The following CDH20 variants were observed in gnomAD, a reference collection of about 807,000 sequenced individuals.
CDH20 encodes cadherin-20.
Under a neutral mutation model 74.2 loss-of-function variants are expected in CDH20, and 29 were observed. The observed-to-expected ratio is 0.39, with a 90% CI of 0.29 to 0.53. The LOEUF (loss-of-function observed/expected upper bound fraction) is 0.53, where lower values mean the gene tolerates loss of function less well. Among genes scored for constraint, CDH20 ranks in the 20% least tolerant of loss-of-function variants. The pLI is 0.69. For synonymous variants in CDH20, 469 were observed against 405.4 expected, an observed-to-expected ratio of 1.16 and a Z score of -1.88; for missense variants, 988 against 1,048.3, an observed-to-expected ratio of 0.94 and a Z score of 0.79.
chr18:61,547,450 A>G (rs563554895), intron 10 of CDH20, among the ~76,000 whole-genome samples: 1 of 152,322 alleles, frequency 6.6e-6, no homozygotes, highest in African/African-American at 2.4e-5. Flanking sequence ...TCTCCAGTAA[A>G]GCCTTTTTTT....
chr18:61,510,487 C>G (rs1911739670), intron 6 of CDH20, among the ~76,000 whole-genome samples: 1 of 152,178 alleles, frequency 6.6e-6, no homozygotes, highest in Non-Finnish European at 1.5e-5. Flanking sequence ...TAAAATGTAA[C>G]TCAAGTTAAT....
intron 1 of CDH20, among the ~76,000 whole-genome samples, chr18:61,413,470 A>G (rs1362915853): frequency 6.6e-6 from 1 of 152,190 alleles, no homozygotes; most frequent in Admixed American, 6.5e-5. Context: ...ACTGCAAGAA[A>G]AGTTTAAAGT....
At chr18:61,505,264 T>C (rs1380862837) in intron 5 of CDH20, among the ~76,000 whole-genome samples, 2 of 151,858 alleles carry the variant, frequency 1.3e-5, no homozygotes, top group Non-Finnish European at 2.9e-5. Context: ...ACCCCAAACA[T>C]GGCAGCTTCA....
rs529075959 is a variant in CDH20, at chr18:61,527,373, A to AGATAGATAGATAGAT, written c.1018-593_1018-579dup. On this transcript the variant is annotated intron_variant, in intron 6 of 11. Coordinates refer to ENST00000262717, the MANE Select transcript of CDH20 (RefSeq NM_031891.4). The stretch of plus-strand genomic sequence containing the variant: ...CAGTTGCATGAATATTCTAATAGAT[A>AGATAGATAGATAGAT]GATAGATAGATAGATAGATAGATAG... Among the ~76,000 whole-genome samples, 440 of 124,020 alleles carry AGATAGATAGATAGAT rather than the reference A, an allele frequency of 3.5e-3. 2 individuals are homozygous for AGATAGATAGATAGAT. Among genetic ancestry groups the AGATAGATAGATAGAT allele is most frequent in the Non-Finnish European group, 6.2e-3 (329 of 53,264 alleles). 81.4% of individuals were successfully genotyped at this position (124,020 alleles called of 152,430 possible).
intron 1 of CDH20, among the ~76,000 whole-genome samples, chr18:61,433,240 A>G (rs1908714330): frequency 6.6e-6 from 1 of 152,214 alleles, no homozygotes; most frequent in Admixed American, 6.5e-5. Flanking sequence ...CAGAATAGGT[A>G]CAGAATAAAT....
At chr18:61,406,989 C>T (rs185360667) in intron 1 of CDH20, among the ~76,000 whole-genome samples, 2 of 152,242 alleles carry the variant, frequency 1.3e-5, no homozygotes, top group Admixed American at 1.3e-4. Context: ...ATTCAAAAGA[C>T]ATCTCATCCT....
Position 61,500,479 on chromosome 18 carries a change from A to G in CDH20, c.638A>G (p.Tyr213Cys), listed in dbSNP as rs1346268259. The change falls in exon 4 of 12, where the codon TAT (tyrosine) becomes TGT (cysteine). Residue 213 changes from tyrosine (Y) to cysteine (C), a missense_variant. By Grantham distance (194) the Tyr-to-Cys change is radical. Coordinates refer to ENST00000262717, the MANE Select transcript of CDH20 (RefSeq NM_031891.4). Reference protein sequence around the residue: ...VVYSILQGQPYFSVDSKTGVI... With the variant: ...VVYSILQGQPCFSVDSKTGVI... ...TACAGCATTCTTCAGGGCCAGCCAT[A>G]TTTTTCTGTGGACTCTAAAACAGGT... 1 of 1,610,812 alleles carries G rather than the reference A, an allele frequency of 6.2e-7. No homozygotes were observed. The highest frequency in any genetic ancestry group is 8.5e-7 in the Non-Finnish European group (1 of 1,177,934).
At chr18:61,515,529 C>G (rs541985612) in intron 6 of CDH20, among the ~76,000 whole-genome samples, 81 of 152,074 alleles carry the variant, frequency 5.3e-4, no homozygotes, top group African/African-American at 1.9e-3. Flanking sequence ...TCCTCCCCAC[C>G]AAATGTCCAA....
intron 1 of CDH20, among the ~76,000 whole-genome samples, chr18:61,393,332 CA>C (rs1166059953): frequency 1.3e-5 from 2 of 152,186 alleles, no homozygotes; most frequent in African/African-American, 4.8e-5. Flanking sequence ...TTGCTTCCCA[CA>C]GTTATCAAGT....
chr18:61,339,194 G>A (rs997541080), intron 1 of CDH20, among the ~76,000 whole-genome samples: 2 of 152,034 alleles, frequency 1.3e-5, no homozygotes, highest in Non-Finnish European at 2.9e-5. Flanking sequence ...ACTCTTAAAT[G>A]TGCGTATGCA....
intron 1 of CDH20, among the ~76,000 whole-genome samples, chr18:61,345,845 G>A (rs1599027287): frequency 2.0e-5 from 3 of 152,142 alleles, no homozygotes; most frequent in Non-Finnish European, 4.4e-5. Flanking sequence ...GATCTGAGAG[G>A]TTGTTTGGGA....
At chr18:61,336,269 T>C (rs747292167) in intron 1 of CDH20, among the ~76,000 whole-genome samples, 2 of 152,224 alleles carry the variant, frequency 1.3e-5, no homozygotes, top group Non-Finnish European at 2.9e-5. Flanking sequence ...CCCAGAGGGC[T>C]AACCAAGGTA....
chr18:61,450,853 A>T (rs1057065315), intron 1 of CDH20, among the ~76,000 whole-genome samples: 2 of 152,052 alleles, frequency 1.3e-5, no homozygotes, highest in African/African-American at 4.8e-5. Context: ...TCAATGAACC[A>T]TCATTTACTT....
chr18:61,338,509 A>G (rs1182536199), intron 1 of CDH20, among the ~76,000 whole-genome samples: 2 of 152,202 alleles, frequency 1.3e-5, no homozygotes, highest in African/African-American at 4.8e-5. Context: ...CTCAAGGTAT[A>G]TGTAATTTTT....
At chr18:61,546,589 G>T (rs1365788959) in intron 10 of CDH20, among the ~76,000 whole-genome samples, 1 of 152,094 alleles carries the variant, frequency 6.6e-6, no homozygotes, top group African/African-American at 2.4e-5. Context: ...CAACCCTGGG[G>T]AGGGAAAATA....
chr18:61,337,221 C>A (rs1909789445), intron 1 of CDH20, among the ~76,000 whole-genome samples: 1 of 152,050 alleles, frequency 6.6e-6, no homozygotes, highest in East Asian at 1.9e-4. Context: ...AAAGGCATAC[C>A]CCCAGAATAC....
chr18:61,450,292 C>T (rs556629991), intron 1 of CDH20, among the ~76,000 whole-genome samples: 2 of 151,818 alleles, frequency 1.3e-5, no homozygotes, highest in South Asian at 4.2e-4. Context: ...CAGTCTACCT[C>T]CCTCTCAGAT....
At chr18:61,534,286 G>C (rs1488699835) in intron 7 of CDH20, among the ~76,000 whole-genome samples, 1 of 152,178 alleles carries the variant, frequency 6.6e-6, no homozygotes, top group African/African-American at 2.4e-5. Context: ...CCGTTGATGA[G>C]AATGTTAGTA....
At chr18:61,399,760 A>C (rs550875052) in intron 1 of CDH20, among the ~76,000 whole-genome samples, 1 of 152,320 alleles carries the variant, frequency 6.6e-6, no homozygotes, top group South Asian at 2.1e-4. Flanking sequence ...GCCTCTTTTT[A>C]ATTGATGAGT....
Sources: allele counts gnomAD v4.1 joint callset (sites outside exome capture counted in the v4.1 genomes callset), GRCh38; gene constraint gnomAD v4.1.1; transcripts MANE v1.5; gene names NCBI Gene and HGNC (gene_info 2026-07-23, HGNC 2026-07-21).